The following ESYT2 variants were observed in gnomAD, a reference collection of about 807,000 sequenced individuals.
The protein encoded by ESYT2 is extended synaptotagmin-2.
Under a neutral mutation model 107.2 loss-of-function variants are expected in ESYT2, and 54 were observed. That is an observed-to-expected ratio of 0.50 (90% CI 0.40 to 0.63). The LOEUF is 0.63. Ranked by LOEUF, ESYT2 falls within the 30% of genes least tolerant of loss-of-function variation. The probability of loss-of-function intolerance (pLI) is 0.00; values close to 1 mark genes in which losing one functional copy is unlikely to be tolerated. For synonymous variants in ESYT2, 491 were observed against 434.1 expected, an observed-to-expected ratio of 1.13 and a Z score of -1.63; for missense variants, 1,020 against 1,094.5, an observed-to-expected ratio of 0.93 and a Z score of 0.96.
intron 4 of ESYT2, 113 bp from the exon 5 acceptor site, chr7:158,788,530 G>C (rs1436508424): frequency 1.1e-5 from 10 of 916,092 alleles, no homozygotes; most frequent in Non-Finnish European, 1.6e-5. Flanking sequence ...AACCAAATCA[G>C]ATTGTAGGTA....
At chr7:158,823,372 G>C (rs191925863) in intron 1 of ESYT2, among the ~76,000 whole-genome samples, 3 of 148,128 alleles carry the variant, frequency 2.0e-5, no homozygotes, top group Admixed American at 2.0e-4. Flanking sequence ...TGTCGCCCAG[G>C]CTGGAGTGCA....
chr7:158,804,535 C>T (rs1839764173), intron 1 of ESYT2, among the ~76,000 whole-genome samples: 1 of 149,900 alleles, frequency 6.7e-6, no homozygotes, highest in Non-Finnish European at 1.5e-5. Context: ...GCGCGACAAA[C>T]CCAAACTGCC....
chr7:158,734,145 A>G lies in ESYT2; in HGVS notation c.*62T>C. Reference sequence around the variant, plus strand: ...AAAATAACATTGGTACGTCTGTGAGAGGGTGTGTTCCGGGTAGAGGTGGAG... The same window carrying G: ...AAAATAACATTGGTACGTCTGTGAGGGGGTGTGTTCCGGGTAGAGGTGGAG... On this transcript the variant is annotated 3_prime_UTR_variant, in exon 23 of 23. Transcript: ENST00000275418. 1.3e-6 allele frequency: 2 copies of G among 1,542,868 alleles called. No homozygotes were observed. The highest frequency in any genetic ancestry group is 1.8e-6 in the Non-Finnish European group (2 of 1,116,878).
At chr7:158,734,525 C>G in intron 21 of ESYT2, 54 bp from the exon 22 acceptor site, 1 of 1,539,734 alleles carries the variant, frequency 6.5e-7, no homozygotes, top group Non-Finnish European at 8.9e-7. Context: ...GCACTGGCTC[C>G]CGTCTGTAAT....
Position 158,737,203 on chromosome 7 carries a change from C to T in ESYT2, c.2268-24G>A, listed in dbSNP as rs756264220. 1.4e-5 allele frequency: 23 copies of T among 1,610,886 alleles called. 1 individual carries two copies. In the South Asian group the frequency reaches 1.8e-4, roughly 12 times the overall value. On this transcript the variant is annotated intron_variant, in intron 19 of 22. Transcript: ENST00000275418. ...TTCTTACAACACAAACCAGATAAGA[C>T]GAGGTATTAGGACCGAGAAAAAGAG...
Position 158,829,100 on chromosome 7 carries a change from G to A in ESYT2, c.319C>T (p.Leu107=). The A allele has an allele frequency of 6.3e-7, 1 of 1,583,158 alleles. No individual in the cohort carries two copies. The highest frequency in any genetic ancestry group is 8.5e-7 in the Non-Finnish European group (1 of 1,173,780). ...VVRLGVRACD[L]PAWVHFPDTE... ...GGGTCTGCACTCACCCAGGCGGGCA[G>A]GTCGCAGGCGCGCACCCCCAGGCGC... Residue 107 remains leucine, a synonymous_variant, in exon 1 of 23, where the codon CTG becomes TTG. Transcript: ENST00000275418.
chr7:158,748,840 C>G (rs1194704904), intron 15 of ESYT2, among the ~76,000 whole-genome samples: 1 of 151,882 alleles, frequency 6.6e-6, no homozygotes. Context: ...CTGCTGCAGC[C>G]TCCCAAGTAG....
Position 158,755,495 on chromosome 7 carries a change from T to G in ESYT2, c.1420-2652A>C, listed in dbSNP as rs77357912. On this transcript the variant is annotated intron_variant, in intron 13 of 22. Transcript: ENST00000275418. Reference sequence around the variant, plus strand: ...AGTTGTAGAATGGGAAAAAGCAACTTGGAAAAGCTATTGGAGATAAACTAA... The same window carrying G: ...AGTTGTAGAATGGGAAAAAGCAACTGGGAAAAGCTATTGGAGATAAACTAA... Among the ~76,000 whole-genome samples, 34 of 152,284 alleles carry G rather than the reference T, an allele frequency of 2.2e-4. 1 individual carries two copies. The highest frequency in any genetic ancestry group is 1.9e-3 in the South Asian group (9 of 4,820).
chr7:158,824,195 C>T (rs79425047), intron 1 of ESYT2, among the ~76,000 whole-genome samples: 3,576 of 152,262 alleles, frequency 0.023, 95 homozygotes, highest in Admixed American at 0.042. Flanking sequence ...GTCTCAGCCG[C>T]AGTGTGGGTG....
intron 1 of ESYT2, among the ~76,000 whole-genome samples, chr7:158,812,326 G>T (rs1378275684): frequency 6.6e-6 from 1 of 152,220 alleles, no homozygotes; most frequent in Admixed American, 6.5e-5. Flanking sequence ...CTAACTGAAT[G>T]TGGAGGTGGA....
chr7:158,759,381 CAAG>C (rs34089418), intron 13 of ESYT2, 102 bp downstream of exon 13: 91,567 of 871,070 alleles, frequency 0.11, 5,107 homozygotes, highest in African/African-American at 0.13. Flanking sequence ...GAAAACACAA[CAAG>C]AAGAGAACAG....
intron 4 of ESYT2, among the ~76,000 whole-genome samples, chr7:158,793,416 T>C (rs538348410): frequency 4.6e-5 from 7 of 150,984 alleles, no homozygotes; most frequent in Admixed American, 1.3e-4. Flanking sequence ...AGTTTTCTTT[T>C]TTTGCAGTGT....
intron 3 of ESYT2, among the ~76,000 whole-genome samples, chr7:158,795,878 A>C (rs1206958930): frequency 1.3e-5 from 2 of 152,196 alleles, no homozygotes; most frequent in Non-Finnish European, 2.9e-5. Flanking sequence ...GTCACAGGAA[A>C]AGCAGCAGCA....
rs184674218 is a variant in ESYT2, at chr7:158,779,663, G to A, written c.748-6267C>T. 2.3e-3 allele frequency among the ~76,000 whole-genome samples: 347 copies of A among 152,212 alleles called. 2 individuals carry two copies. The highest frequency in any genetic ancestry group is 3.0e-3 in the Non-Finnish European group (204 of 68,004). On this transcript the variant is annotated intron_variant, in intron 6 of 22. Transcript: ENST00000275418. ...GATTTTTAAGGACAGCTGTGCAGAC[G>A]GTGCTGCGGCCCCTTCTGCTCTAAA...
intron 1 of ESYT2, among the ~76,000 whole-genome samples, chr7:158,828,698 G>A (rs1290692988): frequency 6.6e-6 from 1 of 152,188 alleles, no homozygotes; most frequent in African/African-American, 2.4e-5. Flanking sequence ...GGGCGGGAGC[G>A]GCGAGCAGCG....
chr7:158,734,735 C>T (rs1836858279), intron 21 of ESYT2, among the ~76,000 whole-genome samples: 1 of 152,238 alleles, frequency 6.6e-6, no homozygotes, highest in Non-Finnish European at 1.5e-5. Context: ...CTGCAGTGAG[C>T]CATGATCGCG....
At chr7:158,782,543 G>GAATGAC (rs397799617) in intron 6 of ESYT2, among the ~76,000 whole-genome samples, 1 of 120,188 alleles carries the variant, frequency 8.3e-6, no homozygotes, top group Non-Finnish European at 1.8e-5. Context: ...AAGAAAATGA[G>GAATGAC]TGTGAGAAGC....
intron 13 of ESYT2, among the ~76,000 whole-genome samples, chr7:158,754,672 G>T (rs1374519242): frequency 6.6e-6 from 1 of 152,170 alleles, no homozygotes; most frequent in Admixed American, 6.5e-5. Flanking sequence ...ACAGACTGAT[G>T]AATCTATAAA....
intron 1 of ESYT2, among the ~76,000 whole-genome samples, chr7:158,807,079 G>A (rs75386072): frequency 0.12 from 17,835 of 151,092 alleles, 1,787 homozygotes; most frequent in East Asian, 0.55. Context: ...TTGAAACCCC[G>A]TCTCTACTAA....
Sources: allele counts gnomAD v4.1 joint callset (sites outside exome capture counted in the v4.1 genomes callset), GRCh38; gene constraint gnomAD v4.1.1; transcripts MANE v1.5; gene names NCBI Gene and HGNC (gene_info 2026-07-23, HGNC 2026-07-21).